VPS13C: variants seen among roughly 807,000 people sequenced by gnomAD.
VPS13C encodes vacuolar protein sorting 13 homolog C.
Under a neutral mutation model 456.8 loss-of-function variants are expected in VPS13C, and 358 were observed. The ratio of observed to expected loss-of-function variants is 0.78; its 90% CI spans 0.72 to 0.86. The LOEUF (loss-of-function observed/expected upper bound fraction) is 0.86, where lower values mean the gene tolerates loss of function less well. Among genes scored for constraint, VPS13C ranks in the 40% least tolerant of loss-of-function variants. The pLI, the probability that VPS13C is intolerant of heterozygous loss-of-function variation, is 0.00. For synonymous variants in VPS13C, 1,578 were observed against 1,486.7 expected (o/e 1.06, Z -1.41); for missense variants, 4,818 against 4,385.4 (o/e 1.10, Z -2.79).
intron 3 of VPS13C, among the ~76,000 whole-genome samples, chr15:62,038,711 C>A (rs1431658154): frequency 2.6e-5 from 4 of 151,848 alleles, no homozygotes; most frequent in African/African-American, 9.7e-5. Flanking sequence ...ATGCCTCCAG[C>A]AAAGGACAAA....
intron 67 of VPS13C, among the ~76,000 whole-genome samples, chr15:61,888,679 C>T (rs1447330255): frequency 3.9e-5 from 6 of 151,986 alleles, no homozygotes; most frequent in Admixed American, 3.3e-4. Flanking sequence ...AAAAGAACAG[C>T]GGTTTCCAAA....
chr15:61,924,118 G>A (rs367613648), intron 53 of VPS13C, among the ~76,000 whole-genome samples: 133 of 151,414 alleles, frequency 8.8e-4, no homozygotes, highest in South Asian at 2.1e-4. Flanking sequence ...CGCCCGCCTC[G>A]GCCTCCCAAA....
At chr15:61,856,156 C>T in intron 83 of VPS13C, 130 bp downstream of exon 83, 4 of 1,108,902 alleles carry the variant, frequency 3.6e-6, no homozygotes, top group South Asian at 3.7e-5. Context: ...AAATTGATTA[C>T]ATCTTTCTTC....
intron 70 of VPS13C, 28 bp downstream of exon 70, chr15:61,881,719 A>G: frequency 6.2e-7 from 1 of 1,604,826 alleles, no homozygotes; most frequent in South Asian, 1.1e-5. Context: ...AATAAGGTAT[A>G]TCTATGTCAC....
chr15:61,964,618 C>G, intron 31 of VPS13C, 81 bp downstream of exon 31: 3 of 1,313,532 alleles, frequency 2.3e-6, no homozygotes, highest in Non-Finnish European at 3.1e-6. Flanking sequence ...ATGACTGAGT[C>G]AGATAGTCTC....
At chr15:62,034,119 A>G (rs1266117617) in intron 4 of VPS13C, among the ~76,000 whole-genome samples, 1 of 151,698 alleles carries the variant, frequency 6.6e-6, no homozygotes, top group African/African-American at 2.4e-5. Context: ...AGTATTGACT[A>G]GTATTTATAG....
intron 52 of VPS13C, among the ~76,000 whole-genome samples, chr15:61,926,409 A>G (rs889570775): frequency 4.6e-5 from 7 of 152,214 alleles, no homozygotes; most frequent in Non-Finnish European, 8.8e-5. Flanking sequence ...TCTAAAAGAG[A>G]AAGAATTAGG....
chr15:62,013,881 T>C, intron 10 of VPS13C, 52 bp downstream of exon 10: 1 of 1,340,166 alleles, frequency 7.5e-7, no homozygotes, highest in Non-Finnish European at 1.1e-6. Flanking sequence ...TTCAAGAAAA[T>C]AAATTAAGTG....
At chr15:62,010,638 C>T (rs375195584) in intron 12 of VPS13C, 39 bp from the exon 13 acceptor site, 9 of 1,528,344 alleles carry the variant, frequency 5.9e-6, no homozygotes, top group East Asian at 2.4e-5. Flanking sequence ...TGTTCATATG[C>T]TTTTACATAT....
Position 61,991,681 on chromosome 15 carries a change from A to AC in VPS13C, c.1474_1475insG (p.Ile492SerfsTer3). ...TTTGACTTGGAACTTACTTTCAGGA[A>AC]TCAATGATTCTTCGTCCTTTTTCTT... is the stretch of plus-strand genomic sequence containing the variant. On this transcript the variant is annotated frameshift_variant, in exon 17 of 85. Transcript: ENST00000644861. LOFTEE classifies it high-confidence loss of function. 1.9e-6 allele frequency: 3 copies of AC among 1,611,526 alleles called. No individual in the cohort carries two copies. The highest frequency in any genetic ancestry group is 2.5e-6 in the Non-Finnish European group (3 of 1,178,792).
chr15:61,918,591 A>AG (rs1281368498), intron 58 of VPS13C, among the ~76,000 whole-genome samples: 1 of 152,080 alleles, frequency 6.6e-6, no homozygotes, highest in East Asian at 1.9e-4. Flanking sequence ...TATCATGTAT[A>AG]ACAACTAAAC....
intron 1 of VPS13C, among the ~76,000 whole-genome samples, chr15:62,053,087 T>G (rs1359670946): frequency 6.6e-6 from 1 of 152,194 alleles, no homozygotes; most frequent in Non-Finnish European, 1.5e-5. Context: ...ATTTAAATTT[T>G]TAAGCACCGC....
intron 48 of VPS13C, among the ~76,000 whole-genome samples, chr15:61,936,158 T>C (rs1340002077): frequency 2.0e-5 from 3 of 152,220 alleles, no homozygotes; most frequent in African/African-American, 4.8e-5. Context: ...AATTATCTTA[T>C]GTATTTGAAA....
chr15:62,047,458 G>T (rs1222386088), intron 1 of VPS13C, among the ~76,000 whole-genome samples: 2 of 151,602 alleles, frequency 1.3e-5, no homozygotes, highest in East Asian at 3.9e-4. Flanking sequence ...AAAAAAAGCA[G>T]TATCTATTTC....
At chr15:61,943,676 C>T (rs947555825) in intron 45 of VPS13C, among the ~76,000 whole-genome samples, 17 of 151,916 alleles carry the variant, frequency 1.1e-4, no homozygotes, top group African/African-American at 3.4e-4. Context: ...AGACCTCAAA[C>T]TATAAGAATT....
At chr15:61,951,753 T>C (rs1765221824) in intron 39 of VPS13C, 71 bp downstream of exon 39, 1 of 1,448,892 alleles carries the variant, frequency 6.9e-7, no homozygotes, top group African/African-American at 1.4e-5. Flanking sequence ...AATCAATATG[T>C]TTAATGTTGA....
intron 72 of VPS13C, 27 bp from the exon 73 acceptor site, chr15:61,880,749 T>C: frequency 1.9e-6 from 3 of 1,541,056 alleles, no homozygotes; most frequent in Non-Finnish European, 2.6e-6. Flanking sequence ...CAAGAATTTC[T>C]ATTTTAATTT....
chr15:61,907,310 A>C lies in VPS13C; in HGVS notation c.9059T>G (p.Leu3020Arg), dbSNP rs2043178509. The C allele has an allele frequency of 6.2e-7, 1 of 1,614,046 alleles. No homozygotes were observed. The highest frequency in any genetic ancestry group is 8.5e-7 in the Non-Finnish European group (1 of 1,179,888). ...AACATTTGCTGCATATGTCCATGTA[A>C]GTTTTCTGGTACCAGTAGGATCTGC... ...AWADPTGTRK[L>R]TWTYAANVGE... Residue 3020 changes from leucine to arginine, a missense_variant, in exon 66 of 85, where the codon CTT becomes CGT. Leu to Arg is a moderately radical substitution (Grantham distance 102). Around this residue, in one of 3 missense-constraint regions of VPS13C, gnomAD observed 4,552 missense variants for 4,130.6 expected, o/e 1.10. Transcript: ENST00000644861.
intron 37 of VPS13C, 47 bp from the exon 38 acceptor site, chr15:61,954,601 C>T (rs772299310): frequency 6.5e-6 from 10 of 1,535,026 alleles, no homozygotes; most frequent in Admixed American, 2.2e-5. Context: ...CAAATTTCTT[C>T]CACAAATATT....
Sources: gnomAD v4.1 joint callset for allele counts (sites outside exome capture counted in the v4.1 genomes callset) on GRCh38, gnomAD v4.1.1 for gene constraint, gnomAD v4.1.1 regional missense constraint, MANE v1.5 for transcripts, NCBI Gene and HGNC (gene_info 2026-07-23, HGNC 2026-07-21) for gene names.